EIF2AK1: variants seen among roughly 807,000 people sequenced by gnomAD.
EIF2AK1 encodes the protein eukaryotic translation initiation factor 2 alpha kinase 1.
EIF2AK1 carries 54 observed loss-of-function variants against 77.9 expected under a neutral mutation model. The observed-to-expected ratio is 0.69, with a 90% CI of 0.56 to 0.87. The LOEUF (loss-of-function observed/expected upper bound fraction) is 0.87, where lower values mean the gene tolerates loss of function less well. Among genes scored for constraint, EIF2AK1 ranks in the 40% least tolerant of loss-of-function variants. The probability of loss-of-function intolerance (pLI) is 0.00; values close to 1 mark genes in which losing one functional copy is unlikely to be tolerated. For synonymous variants in EIF2AK1, 314 were observed against 290.5 expected, an observed-to-expected ratio of 1.08 and a Z score of -0.82; for missense variants, 810 against 768.6, an observed-to-expected ratio of 1.05 and a Z score of -0.64.
chr7:6,027,327 C>G lies in EIF2AK1; in HGVS notation c.1531-366G>C, dbSNP rs183928643. Among the ~76,000 whole-genome samples, 1 of 152,326 alleles carries G rather than the reference C, an allele frequency of 6.6e-6. No homozygotes were observed. The highest frequency in any genetic ancestry group is 6.5e-5 in the Admixed American group (1 of 15,304). On this transcript the variant is annotated intron_variant, in intron 13 of 14. Transcript: ENST00000199389. This position sits in a 1 kb window ranked among gnomAD's most constrained non-coding sequence, Gnocchi z 4.5. ...GGGGAGCCACAGAAGGTCGCGGGTTCTCCTCCGGTCTCACCTCTGCCTCCA... is the reference window on the plus strand; with the variant it reads ...GGGGAGCCACAGAAGGTCGCGGGTTGTCCTCCGGTCTCACCTCTGCCTCCA...
In EIF2AK1 at chr7:6,028,999, G is replaced by A. The variant is rs868442768; in HGVS notation, c.1366C>T (p.Gln456Ter). The A allele has an allele frequency of 3.1e-6, 5 of 1,612,036 alleles. No homozygotes were observed. In the African/African-American group the frequency reaches 6.7e-5, roughly 22 times the overall value. ...RNIFLHGPDQ[Q>*]VKIGDFGLAC... is the part of the protein sequence containing the mutation. ...AGACCAAAGTCTCCTATTTTTACTTGCTGATCAGGGCCATGAAGAAAAATA... is the reference window on the plus strand; with the variant it reads ...AGACCAAAGTCTCCTATTTTTACTTACTGATCAGGGCCATGAAGAAAAATA... The change falls in exon 12 of 15, where the codon CAA (glutamine) becomes TAA (stop). Residue 456 changes from glutamine (Q) to a stop codon, truncating the protein, a stop_gained. Coordinates refer to ENST00000199389, the MANE Select transcript of EIF2AK1 (RefSeq NM_014413.4). LOFTEE classifies it high-confidence loss of function.
chr7:6,039,738 C>A (rs1788241393), intron 9 of EIF2AK1, among the ~76,000 whole-genome samples: 2 of 151,474 alleles, frequency 1.3e-5, no homozygotes, highest in Admixed American at 6.6e-5. Context: ...ACTTTGATAC[C>A]AGCCTGGCCA....
chr7:6,054,400 C>T (rs1046290206), intron 2 of EIF2AK1, 146 bp downstream of exon 2: 9 of 785,012 alleles, frequency 1.1e-5, no homozygotes, highest in African/African-American at 1.7e-5. Flanking sequence ...GAGGGGGTTT[C>T]GTCATGTTAG....
At position 6,049,990 on chromosome 7, in the gene EIF2AK1, G is replaced by T; in HGVS notation, c.333C>A (p.Asp111Glu). 2 of 1,613,046 alleles carry T rather than the reference G, an allele frequency of 1.2e-6. No homozygotes were observed. Among genetic ancestry groups the T allele is most frequent in the Non-Finnish European group, 1.7e-6 (2 of 1,179,508 alleles). ...GATGTAGTCTCAATGAGCTAAACTC[G>T]TCACTACAAGTGAAAGAAGACAGCA... ...MGLLSSFTCS[D>E]EFSSLRLHHN... The change falls in exon 3 of 15, where the codon GAC becomes GAA. Residue 111 changes from aspartate to glutamate, a missense_variant. Physicochemically the swap from Asp to Glu is conservative, Grantham distance 45. This residue lies in a region of EIF2AK1 where 246 missense variants were observed against 199.0 expected (regional missense o/e 1.24). Coordinates refer to ENST00000199389, the MANE Select transcript of EIF2AK1 (RefSeq NM_014413.4).
chr7:6,053,333 G>A (rs927321280), intron 2 of EIF2AK1, among the ~76,000 whole-genome samples: 1 of 152,030 alleles, frequency 6.6e-6, no homozygotes. Context: ...TCCCTTCTTT[G>A]TGTTACAAAC....
intron 5 of EIF2AK1, 77 bp downstream of exon 5, chr7:6,046,915 T>C (rs1220583967): frequency 7.6e-7 from 1 of 1,316,224 alleles, no homozygotes; most frequent in Non-Finnish European, 1.0e-6. Flanking sequence ...AATAAATAAA[T>C]AAAAGAATAA....
chr7:6,042,418 T>TCCAA (rs969060709), intron 8 of EIF2AK1, among the ~76,000 whole-genome samples: 1 of 144,568 alleles, frequency 6.9e-6, no homozygotes, highest in African/African-American at 2.6e-5. Context: ...ATCACTGCAC[T>TCCAA]CCAACCTGGG....
rs560446603 is a variant in EIF2AK1 at position 6,054,690 on chromosome 7, C to T, written c.133G>A (p.Ala45Thr). The stretch of plus-strand genomic sequence containing the variant: ...GGTTCTTTTAACACCTGGATTTCTG[C>T]TGGAACATCAGATTCTAAAAATTAA... Reference protein sequence around the residue: ...DPEYDESDVPAEIQVLKEPLQ... With the variant: ...DPEYDESDVPTEIQVLKEPLQ... Residue 45 changes from alanine to threonine, a missense_variant, in exon 2 of 15, where the codon GCA becomes ACA. Transcript: ENST00000199389. 1.9e-6 allele frequency: 3 copies of T among 1,613,460 alleles called. No homozygotes were observed. The African/African-American group carries it at 4.0e-5, about 22-fold the overall frequency.
Position 6,023,032 on chromosome 7 carries a change from G to C in EIF2AK1, c.*1641C>G. ...AAAACCTTAGGCAGCAGGGATTGGA[G>C]CAGGTGGTCTGAGGTCCCTTCTAGC... On this transcript the variant is annotated 3_prime_UTR_variant, in exon 15 of 15. Coordinates refer to ENST00000199389, the MANE Select transcript of EIF2AK1 (RefSeq NM_014413.4). 1 of 373,422 alleles carries C rather than the reference G, an allele frequency of 2.7e-6. No homozygotes were observed. The highest frequency in any genetic ancestry group is 4.8e-6 in the Non-Finnish European group (1 of 208,764). The allele number at this position is 373,422 out of a possible 1,614,324, so 23.1% of individuals were successfully genotyped here.
chr7:6,028,176 C>G (rs1562740883), intron 13 of EIF2AK1: 2 of 317,588 alleles, frequency 6.3e-6, no homozygotes, highest in East Asian at 1.7e-4. Flanking sequence ...ACAGTTTGAT[C>G]CAGTTAATTA....
At position 6,024,233 on chromosome 7, in the gene EIF2AK1, C is replaced by G. The variant is rs1016357791; in HGVS notation, c.*440G>C. On this transcript the variant is annotated 3_prime_UTR_variant, in exon 15 of 15. Transcript: ENST00000199389. Reference sequence around the variant, plus strand: ...GGAGCCAAGGAATGAAATGATGAGGCGTCCTTCAGGTAATGAACTTCAGCT... The same window carrying G: ...GGAGCCAAGGAATGAAATGATGAGGGGTCCTTCAGGTAATGAACTTCAGCT... 1.6e-6 allele frequency: 2 copies of G among 1,220,556 alleles called. No individual in the cohort carries two copies. Among genetic ancestry groups the G allele is most frequent in the African/African-American group, 3.1e-5 (2 of 63,514 alleles). The allele number at this position is 1,220,556 out of a possible 1,614,324, so 75.6% of individuals were successfully genotyped here. A position where few individuals can be genotyped will look rare whatever the true frequency, so the allele number is the denominator to read the frequency against.
Position 6,036,742 on chromosome 7 carries a change from C to A in EIF2AK1, c.1332+682G>T, listed in dbSNP as rs1438944407. Among the ~76,000 whole-genome samples the A allele has an allele frequency of 6.6e-6, 1 of 152,034 alleles. No homozygotes were observed. Among genetic ancestry groups the A allele is most frequent in the Admixed American group, 6.6e-5 (1 of 15,246 alleles). ...CTTTTCTAAAACAGCAAAAAAACTT[C>A]CGATTTTGTTAAACTTTAAGATGAA... is the stretch of plus-strand genomic sequence containing the variant. On this transcript the variant is annotated intron_variant, in intron 11 of 14. Coordinates refer to ENST00000199389, the MANE Select transcript of EIF2AK1 (RefSeq NM_014413.4). The surrounding 1 kb of genome is among the most constrained non-coding windows in gnomAD (Gnocchi z 4.6).
intron 13 of EIF2AK1, 93 bp downstream of exon 13, chr7:6,028,522 G>A: frequency 1.6e-6 from 2 of 1,280,840 alleles, no homozygotes; most frequent in South Asian, 1.2e-5. Context: ...AAAGTGCTGG[G>A]ATTACAGGCG....
chr7:6,037,299 G>A, intron 11 of EIF2AK1, 125 bp downstream of exon 11: 1 of 658,014 alleles, frequency 1.5e-6, no homozygotes. Context: ...TTATCTGACA[G>A]TAATTATAAC....
intron 1 of EIF2AK1, among the ~76,000 whole-genome samples, chr7:6,055,183 A>C (rs574390953): frequency 6.6e-6 from 1 of 152,036 alleles, no homozygotes; most frequent in East Asian, 1.9e-4. Flanking sequence ...TCTCTACTAA[A>C]AATACAAAAT....
In EIF2AK1 at chr7:6,035,667, T is replaced by G. The variant is rs1788057090; in HGVS notation, c.1332+1757A>C. The G allele has an allele frequency of 1.9e-5, 29 of 1,550,616 alleles. No homozygotes were observed. The highest frequency in any genetic ancestry group is 2.4e-5 in the Non-Finnish European group (28 of 1,147,060). On this transcript the variant is annotated intron_variant, in intron 11 of 14. Transcript: ENST00000199389. This position sits in a 1 kb window ranked among gnomAD's most constrained non-coding sequence, Gnocchi z 5.5. ...ACTCCACCTGGCCATAGCATATGGT[T>G]GCTATCCAGTTCTCTCCATTTTGAC...
Position 6,023,841 on chromosome 7 carries a change from T to C in EIF2AK1, c.*832A>G. On this transcript the variant is annotated 3_prime_UTR_variant, in exon 15 of 15. Coordinates refer to ENST00000199389, the MANE Select transcript of EIF2AK1 (RefSeq NM_014413.4). ...AAAAGCATCATGTAATTTATGGTTT[T>C]CATTTTATTTAAAATTCAGCAAAAT... 1.2e-5 allele frequency: 18 copies of C among 1,552,048 alleles called. No individual in the cohort carries two copies. Among genetic ancestry groups the C allele is most frequent in the Non-Finnish European group, 1.6e-5 (18 of 1,147,742 alleles).
At chr7:6,034,365 C>G (rs982000500) in intron 11 of EIF2AK1, among the ~76,000 whole-genome samples, 13 of 151,998 alleles carry the variant, frequency 8.6e-5, no homozygotes, top group East Asian at 1.9e-4. Context: ...CCAGAAGAAC[C>G]CACCTGACCT....
At chr7:6,026,554 C>T (rs1787752214) in intron 14 of EIF2AK1, 174 bp downstream of exon 14, 1 of 715,090 alleles carries the variant, frequency 1.4e-6, no homozygotes, top group Non-Finnish European at 2.6e-6. Context: ...CCTGCCAGCA[C>T]ACCCTGCAGC....
Sources: gnomAD v4.1 joint callset for allele counts (sites outside exome capture counted in the v4.1 genomes callset) on GRCh38, gnomAD v4.1.1 for gene constraint, gnomAD v4.1.1 regional missense constraint, Gnocchi (gnomAD v3.1) non-coding constraint, MANE v1.5 for transcripts, NCBI Gene and HGNC (gene_info 2026-07-23, HGNC 2026-07-21) for gene names.